Variants in DNAH12 observed in about 807,000 individuals in gnomAD.
DNAH12 encodes the protein dynein axonemal heavy chain 12, also known as axonemal beta dynein heavy chain 12.
A neutral mutation model predicts 371.5 loss-of-function variants in DNAH12; 285 were observed. The ratio of observed to expected loss-of-function variants is 0.77; its 90% confidence interval spans 0.70 to 0.85. The LOEUF is 0.85. Ranked by LOEUF, DNAH12 falls within the 40% of genes least tolerant of loss-of-function variation. The probability of loss-of-function intolerance (pLI) is 0.00; values close to 1 mark genes in which losing one functional copy is unlikely to be tolerated. For synonymous variants in DNAH12, 1,200 were observed against 1,213.0 expected (o/e 0.99, Z 0.22); for missense variants, 3,611 against 3,689.4 (o/e 0.98, Z 0.55).
rs2067816573 is a variant in DNAH12, at chr3:57,507,766, C to G, written c.774G>C (p.Lys258Asn). The stretch of plus-strand genomic sequence containing the variant: ...CCTTTGGATACCATGTATTCATTAT[C>G]TTCTCTTCTGCGTTTCTAGTTTGTA... ...LSIQTRNAEE[K>N]IMNTWYPKVI... The change falls in exon 8 of 74, where the codon AAG (lysine) becomes AAC (asparagine). Residue 258 changes from lysine to asparagine, a missense_variant. Physicochemically the swap from Lys to Asn is moderately conservative, Grantham distance 94. This residue lies in a region of DNAH12 where 1,314 missense variants were observed against 1,398.7 expected (regional missense o/e 0.94). Coordinates refer to ENST00000495027, the MANE Select transcript of DNAH12 (RefSeq NM_001366028.2). 14 of 1,610,842 alleles carry G rather than the reference C, an allele frequency of 8.7e-6. No individual in the cohort carries two copies. The highest frequency in any genetic ancestry group is 1.2e-5 in the Non-Finnish European group (14 of 1,179,560).
chr3:57,545,107 G>T (rs2069458598), upstream of DNAH12, among the ~76,000 whole-genome samples: 1 of 149,642 alleles, frequency 6.7e-6, no homozygotes, highest in South Asian at 2.1e-4. Flanking sequence ...CTGGTAGTTT[G>T]TAAAAGCAAA....
Position 57,329,730 on chromosome 3 carries a change from A to G in DNAH12, c.9978+4735T>C, listed in dbSNP as rs1348560608. ...GACAAATGGGATCTAATTAAACTAA[A>G]GAGCTTCTGCACAGCAAAAGAAACT... On this transcript the variant is annotated intron_variant, in intron 62 of 73. Coordinates refer to ENST00000495027, the MANE Select transcript of DNAH12 (RefSeq NM_001366028.2). 1.2e-3 allele frequency among the ~76,000 whole-genome samples: 188 copies of G among 151,286 alleles called. 1 individual carries two copies. Among genetic ancestry groups the G allele is most frequent in the Non-Finnish European group, 1.8e-3 (124 of 67,622 alleles).
intron 2 of DNAH12, chr3:57,531,042 GAGT>G (rs2153400309): frequency 6.6e-6 from 1 of 152,454 alleles, no homozygotes; most frequent in Non-Finnish European, 1.5e-5. Context: ...TTCTACTTAA[GAGT>G]AGTTTACACA....
chr3:57,464,299 T>A (rs1426552650), intron 17 of DNAH12, among the ~76,000 whole-genome samples: 2 of 152,090 alleles, frequency 1.3e-5, no homozygotes, highest in Non-Finnish European at 2.9e-5. Context: ...AGAGTGGCTA[T>A]TCTGCAGCAC....
At chr3:57,552,984 C>G in the DNAH12 span, among the ~76,000 whole-genome samples, 1 of 152,146 alleles carries the variant, frequency 6.6e-6, no homozygotes, top group South Asian at 2.1e-4. Context: ...TGAGGCCAGC[C>G]TGACCAACAT....
At chr3:57,462,917 C>T in intron 17 of DNAH12, 42 bp from the exon 18 acceptor site, 1 of 1,373,234 alleles carries the variant, frequency 7.3e-7, no homozygotes, top group Non-Finnish European at 1.0e-6. Flanking sequence ...ACTCATTTGA[C>T]TTCCACACAC....
At chr3:57,533,124 C>A (rs73082407) in intron 2 of DNAH12, among the ~76,000 whole-genome samples, 18,305 of 152,172 alleles carry the variant, frequency 0.12, 1,304 homozygotes, top group South Asian at 0.21. Flanking sequence ...ATGTCACAGG[C>A]CCATATGGAT....
In DNAH12 at chr3:57,318,432, T is replaced by C. The variant is rs550140621; in HGVS notation, c.10525-3801A>G. Among the ~76,000 whole-genome samples the C allele has an allele frequency of 9.8e-5, 15 of 152,290 alleles. No homozygotes were observed. In the East Asian group the frequency reaches 2.9e-3, roughly 29 times the overall value. Reference sequence around the variant, plus strand: ...AAGAGACTATACTTCTCCCATTGTATATTCTTGGCACCTTTGTCAAAGATC... The same window carrying C: ...AAGAGACTATACTTCTCCCATTGTACATTCTTGGCACCTTTGTCAAAGATC... On this transcript the variant is annotated intron_variant, in intron 65 of 73. Coordinates refer to ENST00000495027, the MANE Select transcript of DNAH12 (RefSeq NM_001366028.2).
At chr3:57,397,599 A>C (rs1472155854) in intron 43 of DNAH12, among the ~76,000 whole-genome samples, 2 of 152,188 alleles carry the variant, frequency 1.3e-5, no homozygotes, top group Non-Finnish European at 2.9e-5. Flanking sequence ...CTGCAGTTCT[A>C]CTGGCAGGCA....
At chr3:57,483,284 A>G in intron 13 of DNAH12, 92 bp downstream of exon 13, 3 of 1,441,018 alleles carry the variant, frequency 2.1e-6, no homozygotes, top group Non-Finnish European at 2.8e-6. Context: ...ATTTACAGCT[A>G]TTTGTGTAAC....
At chr3:57,512,860 C>T (rs1223755583) in intron 4 of DNAH12, among the ~76,000 whole-genome samples, 6 of 152,114 alleles carry the variant, frequency 3.9e-5, no homozygotes, top group Non-Finnish European at 7.4e-5. Context: ...GGTACATGGC[C>T]AGGCATGGTG....
chr3:57,502,183 C>G, intron 10 of DNAH12, 140 bp downstream of exon 10: 1 of 1,135,960 alleles, frequency 8.8e-7, no homozygotes, highest in South Asian at 1.6e-5. Context: ...GGATTCTTGA[C>G]TCTGCCAAAA....
At chr3:57,405,201 TAAG>T in intron 41 of DNAH12, 54 bp from the exon 42 acceptor site, 1 of 1,437,274 alleles carries the variant, frequency 7.0e-7, no homozygotes, top group Non-Finnish European at 9.2e-7. Flanking sequence ...AAAATAAATT[TAAG>T]AAAACAAAAT....
intron 2 of DNAH12, among the ~76,000 whole-genome samples, chr3:57,525,746 A>G (rs1237949808): frequency 8.4e-6 from 1 of 119,704 alleles, no homozygotes; most frequent in Non-Finnish European, 1.7e-5. Flanking sequence ...AGCAAATAGT[A>G]TGTCTTATTC....
intron 49 of DNAH12, 132 bp downstream of exon 49, chr3:57,384,697 C>G (rs2063467015): frequency 6.6e-6 from 1 of 152,072 alleles, no homozygotes; most frequent in Admixed American, 6.6e-5. Context: ...CTGTTAAGAG[C>G]CAAGTTTCAT....
chr3:57,539,290 G>A (rs2069174600), intron 2 of DNAH12, among the ~76,000 whole-genome samples: 1 of 152,064 alleles, frequency 6.6e-6, no homozygotes, highest in African/African-American at 2.4e-5. Flanking sequence ...AATAAAATCT[G>A]AATTCTTTGT....
chr3:57,316,048 G>C (rs1041214813), intron 65 of DNAH12, among the ~76,000 whole-genome samples: 1 of 151,900 alleles, frequency 6.6e-6, no homozygotes. Flanking sequence ...CCACAGTCCT[G>C]TTATCTAGAT....
At chr3:57,470,179 G>A (rs1466836467) in intron 16 of DNAH12, among the ~76,000 whole-genome samples, 2 of 151,726 alleles carry the variant, frequency 1.3e-5, no homozygotes, top group African/African-American at 2.4e-5. Context: ...TTGTAACAAC[G>A]TTTGAGGGAG....
At chr3:57,528,739 A>C (rs1387697236) in intron 2 of DNAH12, among the ~76,000 whole-genome samples, 7 of 151,642 alleles carry the variant, frequency 4.6e-5, no homozygotes, top group East Asian at 2.0e-4. Flanking sequence ...AAAAAAAAAA[A>C]CAATATTAAT....
Sources: gnomAD v4.1 joint callset for allele counts (sites outside exome capture counted in the v4.1 genomes callset) on GRCh38, gnomAD v4.1.1 for gene constraint, gnomAD v4.1.1 regional missense constraint, MANE v1.5 for transcripts, NCBI Gene and HGNC (gene_info 2026-07-23, HGNC 2026-07-21) for gene names.